The following LIAS variants were observed in gnomAD, a reference collection of about 807,000 sequenced individuals.
LIAS encodes lipoic acid synthetase.
In LIAS, 36 loss-of-function variants were observed where a neutral mutation model predicts 49.4. That is an observed-to-expected ratio of 0.73 (90% CI 0.56 to 0.96). The LOEUF (loss-of-function observed/expected upper bound fraction) is 0.96, where lower values mean the gene tolerates loss of function less well. LIAS is among the 40% of genes least tolerant of loss of function. The pLI, the probability that LIAS is intolerant of heterozygous loss-of-function variation, is 0.00. For missense variants in LIAS, 399 were observed against 456.3 expected, an observed-to-expected ratio of 0.87 and a Z score of 1.14; for synonymous variants, 145 against 155.8, an observed-to-expected ratio of 0.93 and a Z score of 0.52.
At chr4:39,475,052 C>G (rs1429752028) in intron 10 of LIAS, 3 of 152,088 alleles carry the variant, frequency 2.0e-5, no homozygotes, top group Non-Finnish European at 4.4e-5. Context: ...ACTAAAAATA[C>G]AAAAATTAGC....
intron 6 of LIAS, chr4:39,466,323 GTATTTTC>G (rs1347227051): frequency 6.6e-6 from 1 of 152,002 alleles, no homozygotes; most frequent in African/African-American, 2.4e-5. Context: ...TGATTCCCTA[GTATTTTC>G]TATTTTCTAT....
At chr4:39,466,793 A>T (rs1239795431) in intron 6 of LIAS, 1 of 152,118 alleles carries the variant, frequency 6.6e-6, no homozygotes, top group African/African-American at 2.4e-5. Context: ...GGTCTTTTCT[A>T]CATCTGTTCT....
chr4:39,460,124 A>T (rs62307974), intron 1 of LIAS, among the ~76,000 whole-genome samples: 1 of 152,186 alleles, frequency 6.6e-6, no homozygotes, highest in Non-Finnish European at 1.5e-5. Context: ...AGTCAGGACC[A>T]GAACAGTTTT....
chr4:39,459,152 TG>T lies in LIAS; in HGVS notation c.39del (p.Arg15GlyfsTer14). The T allele has an allele frequency of 6.2e-7, 1 of 1,613,348 alleles. No homozygotes were observed. ...SLRCGDAART[L>X]GPRVFGRYFC... ...CGCTGCGGGGATGCAGCCCGCACCC[TG>T]GGGCCCCGGGTGAGCGGCGGGGCGA... On this transcript the variant is annotated frameshift_variant, in exon 1 of 11. Coordinates refer to ENST00000640888, the MANE Select transcript of LIAS (RefSeq NM_006859.4). LOFTEE classifies it high-confidence loss of function.
intron 3 of LIAS, among the ~76,000 whole-genome samples, chr4:39,462,856 G>A (rs923707010): frequency 2.0e-5 from 3 of 152,172 alleles, no homozygotes; most frequent in Admixed American, 2.0e-4. Flanking sequence ...GCGTGGTGGC[G>A]TGAGCCTGTA....
intron 3 of LIAS, among the ~76,000 whole-genome samples, chr4:39,462,871 CAGCTACTTGG>C (rs1744581017): frequency 1.3e-5 from 2 of 152,188 alleles, no homozygotes; most frequent in Non-Finnish European, 2.9e-5. Context: ...CCTGTAGTCC[CAGCTACTTGG>C]AAGTCTGAGG....
chr4:39,463,465 C>T lies in LIAS; in HGVS notation c.313-60C>T. The stretch of plus-strand genomic sequence containing the variant: ...GTTTAAAATGTCTAATCACAGTCAC[C>T]AACTGTTTAGTTGGTGGATATTGTC... On this transcript the variant is annotated intron_variant, in intron 3 of 10. Coordinates refer to ENST00000640888, the MANE Select transcript of LIAS (RefSeq NM_006859.4). The T allele has an allele frequency of 2.7e-6, 4 of 1,472,158 alleles. No individual in the cohort carries two copies. In the South Asian group the frequency reaches 5.7e-5, roughly 21 times the overall value. The allele number at this position is 1,472,158 out of a possible 1,614,324, so 91.2% of individuals were successfully genotyped here.
intron 2 of LIAS, among the ~76,000 whole-genome samples, chr4:39,461,442 A>T (rs1004028866): frequency 9.2e-5 from 14 of 152,234 alleles, no homozygotes; most frequent in African/African-American, 3.1e-4. Flanking sequence ...CCAAGGATAC[A>T]CAGTCTCCAG....
chr4:39,467,615 C>T lies in LIAS; in HGVS notation c.706C>T (p.His236Tyr), dbSNP rs1426782379. Residue 236 changes from histidine (H) to tyrosine (Y), a missense_variant, in exon 7 of 11, where the codon CAT becomes TAT. His to Tyr is a moderately conservative substitution (Grantham distance 83). Transcript: ENST00000640888. ...TCTGTCAGGATTAGATGTGTATGCA[C>T]ATAATGTAGAAACAGTCCCGGAATT... Reference protein sequence around the residue: ...VALSGLDVYAHNVETVPELQS... With the variant: ...VALSGLDVYAYNVETVPELQS... 11 of 1,594,976 alleles carry T rather than the reference C, an allele frequency of 6.9e-6. No individual in the cohort carries two copies. Among genetic ancestry groups the T allele is most frequent in the Non-Finnish European group, 9.4e-6 (11 of 1,170,236 alleles).
intron 3 of LIAS, among the ~76,000 whole-genome samples, chr4:39,462,847 C>T (rs549899440): frequency 4.2e-4 from 64 of 152,154 alleles, no homozygotes; most frequent in African/African-American, 1.5e-3. Context: ...ATTAGCTGGG[C>T]GTGGTGGCGT....
At position 39,468,402 on chromosome 4, in the gene LIAS, A is replaced by T. The variant is rs1744840642; in HGVS notation, c.737+756A>T. On this transcript the variant is annotated intron_variant, in intron 7 of 10. Transcript: ENST00000640888. ...CTGAAGCAGGAGAAGAATCACTTGA[A>T]CTCGGGAGGCGGAGGTTGCAGTGAG... 3 of 151,090 alleles carry T rather than the reference A, an allele frequency of 2.0e-5. No individual in the cohort carries two copies. In the South Asian group the frequency reaches 6.3e-4, roughly 32 times the overall value. The allele number at this position is 151,090 out of a possible 1,614,324, so 9.4% of individuals were successfully genotyped here.
intron 4 of LIAS, 48 bp downstream of exon 4, chr4:39,463,653 G>A (rs374984399): frequency 6.4e-7 from 1 of 1,564,134 alleles, no homozygotes; most frequent in Admixed American, 1.9e-5. Flanking sequence ...AACTGAAAGG[G>A]ACTATTTTGT....
chr4:39,464,725 C>T (rs1295850168), intron 4 of LIAS, among the ~76,000 whole-genome samples: 1 of 152,162 alleles, frequency 6.6e-6, no homozygotes, highest in Non-Finnish European at 1.5e-5. Context: ...ACAATCCTCT[C>T]ACCTCAGCTT....
At chr4:39,475,167 A>C (rs1267372377) in intron 10 of LIAS, 1 of 152,256 alleles carries the variant, frequency 6.6e-6, no homozygotes, top group Non-Finnish European at 1.5e-5. Context: ...AGATCCTGCC[A>C]CTCCACTCCA....
Position 39,470,023 on chromosome 4 carries a change from G to T in LIAS, c.742G>T (p.Val248Phe), listed in dbSNP as rs370986468. The T allele has an allele frequency of 6.2e-7, 1 of 1,607,444 alleles. No individual in the cohort carries two copies. ...AACAGTCCTGCTGTTTTCCAGTAAGGTTCGTGATCCTCGGGCCAATTTTGA... is the reference window on the plus strand; with the variant it reads ...AACAGTCCTGCTGTTTTCCAGTAAGTTTCGTGATCCTCGGGCCAATTTTGA... ...VETVPELQSK[V>F]RDPRANFDQS... Residue 248 changes from valine to phenylalanine, a missense_variant, in exon 8 of 11, where the codon GTT becomes TTT. By Grantham distance (50) the Val-to-Phe change is conservative (BLOSUM62 -1). Transcript: ENST00000640888.
In LIAS at chr4:39,479,054, C is replaced by CA. The variant is rs1438882887; in HGVS notation, c.*1945dup. The CA allele has an allele frequency of 1.3e-5, 2 of 151,810 alleles. No homozygotes were observed. Among genetic ancestry groups the CA allele is most frequent in the Non-Finnish European group, 2.9e-5 (2 of 67,964 alleles). The allele number at this position is 151,810 out of a possible 1,614,324, so 9.4% of individuals were successfully genotyped here. On this transcript the variant is annotated 3_prime_UTR_variant, in exon 11 of 11. Transcript: ENST00000640888. The stretch of plus-strand genomic sequence containing the variant: ...CAGACCCCCATCTCTACCAAAAATA[C>CA]AAAAAATTAGCTGGGTGTGGTGGCA...
chr4:39,462,771 G>A (rs532037455), intron 3 of LIAS, among the ~76,000 whole-genome samples: 91 of 152,330 alleles, frequency 6.0e-4, no homozygotes, highest in South Asian at 2.9e-3. Flanking sequence ...GATCACCTGA[G>A]GTCAGGAGTT....
rs112244145 is a variant in LIAS at position 39,471,566 on chromosome 4, G to A, written c.954+260G>A. Among the ~76,000 whole-genome samples, 11,385 of 121,228 alleles carry A rather than the reference G, an allele frequency of 0.094. 603 individuals carry two copies. Among genetic ancestry groups the A allele is most frequent in the African/African-American group, 0.16 (5,116 of 32,362 alleles). The allele number at this position is 121,228 out of a possible 152,430, so 79.5% of individuals were successfully genotyped here. A position where few individuals can be genotyped will look rare whatever the true frequency, so the allele number is the denominator to read the frequency against. Reference sequence around the variant, plus strand: ...TTTTGAGACGGAGTCTCGCTCTGTCGCCCAGGCTGGAGTGCAGTGGGGCAA... The same window carrying A: ...TTTTGAGACGGAGTCTCGCTCTGTCACCCAGGCTGGAGTGCAGTGGGGCAA... On this transcript the variant is annotated intron_variant, in intron 9 of 10. Coordinates refer to ENST00000640888, the MANE Select transcript of LIAS (RefSeq NM_006859.4).
rs1429393185 is a variant in LIAS at position 39,459,339 on chromosome 4, A to T, written c.45+177A>T. ...TTATCCCGCCAGCCCCATGATATAGAGTCTCTGGCATCAGTTTGTTTGCAA... is the reference window on the plus strand; with the variant it reads ...TTATCCCGCCAGCCCCATGATATAGTGTCTCTGGCATCAGTTTGTTTGCAA... On this transcript the variant is annotated intron_variant, in intron 1 of 10. Transcript: ENST00000640888. 2.9e-5 allele frequency: 18 copies of T among 621,464 alleles called. No homozygotes were observed. In the East Asian group the frequency reaches 4.7e-4, roughly 16 times the overall value. The allele number at this position is 621,464 out of a possible 1,614,324, so 38.5% of individuals were successfully genotyped here. A position where few individuals can be genotyped will look rare whatever the true frequency, so the allele number is the denominator to read the frequency against.
Sources: allele counts gnomAD v4.1 joint callset (sites outside exome capture counted in the v4.1 genomes callset), GRCh38; gene constraint gnomAD v4.1.1; transcripts MANE v1.5; gene names NCBI Gene and HGNC (gene_info 2026-07-23, HGNC 2026-07-21).